CNTN5: variants seen among roughly 807,000 people sequenced by gnomAD.
CNTN5 encodes contactin-5.
CNTN5 carries 77 observed loss-of-function variants against 129.1 expected under a neutral mutation model. The observed-to-expected ratio is 0.60, with a 90% confidence interval of 0.50 to 0.72. The LOEUF (loss-of-function observed/expected upper bound fraction) is 0.72, where lower values mean the gene tolerates loss of function less well. Among genes scored for constraint, CNTN5 ranks in the 30% least tolerant of loss-of-function variants. CNTN5 has a pLI of 0.00. For missense variants in CNTN5, 1,478 were observed against 1,328.8 expected (o/e 1.11, Z -1.75); for synonymous variants, 509 against 465.6 (o/e 1.09, Z -1.20).
intron 2 of CNTN5, among the ~76,000 whole-genome samples, chr11:99,348,529 C>A (rs747125634): frequency 7.9e-5 from 12 of 152,262 alleles, no homozygotes; most frequent in East Asian, 1.9e-4. Context: ...TCTAAGCCTG[C>A]CAACTGCAAA....
At chr11:99,799,376 G>A (rs1358705892) in intron 3 of CNTN5, among the ~76,000 whole-genome samples, 2 of 151,866 alleles carry the variant, frequency 1.3e-5, no homozygotes, top group Non-Finnish European at 2.9e-5. Flanking sequence ...TATGGTGTTA[G>A]CTGTAGGTTT....
In CNTN5 at chr11:99,132,938, A is replaced by T. The variant is rs551648405; in HGVS notation, c.-210+111668A>T. On this transcript the variant is annotated intron_variant, in intron 1 of 24. Transcript: ENST00000524871. ...TTTTTATGGAACCAAAAAAGAGCTC[A>T]TAAAGCCAGGACAGTCCTAAGCAAA... 7.6e-4 allele frequency among the ~76,000 whole-genome samples: 116 copies of T among 152,324 alleles called. 1 individual carries two copies. The highest frequency in any genetic ancestry group is 2.6e-3 in the African/African-American group (110 of 41,578).
chr11:100,111,518 T>C (rs1444721779), intron 13 of CNTN5, among the ~76,000 whole-genome samples: 1 of 152,196 alleles, frequency 6.6e-6, no homozygotes, highest in African/African-American at 2.4e-5. Flanking sequence ...ATATTCCCAA[T>C]CTCATTCTAT....
chr11:99,215,443 G>C (rs1244846510), intron 1 of CNTN5, among the ~76,000 whole-genome samples: 2 of 152,072 alleles, frequency 1.3e-5, no homozygotes, highest in Non-Finnish European at 2.9e-5. Context: ...AAGTTCATAA[G>C]ACCTCCTAAT....
intron 18 of CNTN5, among the ~76,000 whole-genome samples, chr11:100,286,726 C>A (rs1195495848): frequency 4.1e-5 from 6 of 146,948 alleles, no homozygotes; most frequent in African/African-American, 1.6e-4. Context: ...AACGCAGTTC[C>A]TCACCAGCAA....
intron 2 of CNTN5, among the ~76,000 whole-genome samples, chr11:99,380,105 G>GTGTGTA (rs72092400): frequency 1.2e-4 from 17 of 136,374 alleles, no homozygotes; most frequent in South Asian, 2.3e-4. Flanking sequence ...GTGTGTGTGT[G>GTGTGTA]TATGGTGTGT....
At chr11:100,057,782 GA>G (rs1427080563) in intron 9 of CNTN5, among the ~76,000 whole-genome samples, 6 of 151,872 alleles carry the variant, frequency 4.0e-5, no homozygotes, top group Non-Finnish European at 7.4e-5. Flanking sequence ...TTCTGTGGGG[GA>G]AAATACAGAA....
chr11:99,225,430 A>G (rs148918235), intron 1 of CNTN5, among the ~76,000 whole-genome samples: 17 of 152,184 alleles, frequency 1.1e-4, no homozygotes, highest in African/African-American at 3.9e-4. Flanking sequence ...TTATTTTACA[A>G]CATAATTTTT....
intron 9 of CNTN5, among the ~76,000 whole-genome samples, chr11:100,027,731 C>T (rs1217538680): frequency 1.3e-5 from 2 of 152,166 alleles, no homozygotes; most frequent in African/African-American, 4.8e-5. Flanking sequence ...CTCAGAAAGA[C>T]AGCTGAGCTT....
intron 3 of CNTN5, among the ~76,000 whole-genome samples, chr11:99,751,945 C>T (rs1397915881): frequency 3.9e-5 from 6 of 152,132 alleles, no homozygotes; most frequent in Non-Finnish European, 8.8e-5. Flanking sequence ...CAACATTCAT[C>T]CTCTCCTTAG....
intron 1 of CNTN5, among the ~76,000 whole-genome samples, chr11:99,283,261 TGAAAA>T (rs1020254482): frequency 1.2e-4 from 19 of 152,234 alleles, no homozygotes; most frequent in African/African-American, 4.6e-4. Context: ...ATATTACCTT[TGAAAA>T]GAAAAGAAAG....
intron 1 of CNTN5, among the ~76,000 whole-genome samples, chr11:99,131,482 A>G (rs1022124080): frequency 2.0e-5 from 3 of 151,872 alleles, no homozygotes; most frequent in African/African-American, 7.3e-5. Context: ...TTTTTTGAAA[A>G]AATCAATAAA....
chr11:99,871,383 G>C (rs1361098182), intron 6 of CNTN5, among the ~76,000 whole-genome samples: 1 of 151,996 alleles, frequency 6.6e-6, no homozygotes, highest in Admixed American at 6.6e-5. Flanking sequence ...ACATTAGTGA[G>C]CCTAATCTGG....
intron 9 of CNTN5, among the ~76,000 whole-genome samples, chr11:100,030,630 G>C (rs1326560570): frequency 6.6e-6 from 1 of 152,144 alleles, no homozygotes; most frequent in African/African-American, 2.4e-5. Flanking sequence ...CAAAAGGGCT[G>C]ATGTACATGA....
At chr11:99,932,839 T>C (rs904758901) in intron 7 of CNTN5, among the ~76,000 whole-genome samples, 6 of 152,196 alleles carry the variant, frequency 3.9e-5, no homozygotes, top group African/African-American at 1.4e-4. Context: ...GGCCCCCTGC[T>C]TCCTCATTAG....
chr11:100,245,604 G>C (rs971690457), intron 16 of CNTN5, among the ~76,000 whole-genome samples: 1 of 151,954 alleles, frequency 6.6e-6, no homozygotes, highest in African/African-American at 2.4e-5. Context: ...AGCAAGCAGA[G>C]GTAGAAAAGC....
intron 1 of CNTN5, among the ~76,000 whole-genome samples, chr11:99,098,353 C>G (rs1210029644): frequency 6.6e-6 from 1 of 152,036 alleles, no homozygotes; most frequent in Non-Finnish European, 1.5e-5. Flanking sequence ...GTAGGCCATG[C>G]AAGACAGTGT....
At chr11:99,690,843 C>T (rs982441801) in intron 3 of CNTN5, among the ~76,000 whole-genome samples, 3 of 151,860 alleles carry the variant, frequency 2.0e-5, no homozygotes. Context: ...GATAACAACT[C>T]TTTTTTGTAC....
intron 2 of CNTN5, among the ~76,000 whole-genome samples, chr11:99,518,748 T>G (rs1263784727): frequency 6.6e-6 from 1 of 151,606 alleles, no homozygotes; most frequent in African/African-American, 2.4e-5. Flanking sequence ...CCTAATATCT[T>G]CTTCTTTTCA....
Sources: allele counts gnomAD v4.1 joint callset (sites outside exome capture counted in the v4.1 genomes callset), GRCh38; gene constraint gnomAD v4.1.1; transcripts MANE v1.5; gene names NCBI Gene and HGNC (gene_info 2026-07-23, HGNC 2026-07-21).